Variants in DENND6B observed in about 807,000 individuals in gnomAD.
The protein encoded by DENND6B is DENN domain containing 6B.
In DENND6B, 73 loss-of-function variants were observed where a neutral mutation model predicts 85.1. The observed-to-expected ratio is 0.86, with a 90% CI of 0.71 to 1.04. The LOEUF is 1.04. Among genes scored for constraint, DENND6B ranks in the 50% least tolerant of loss-of-function variants. DENND6B has a pLI of 0.00. For synonymous variants in DENND6B, 357 were observed against 329.3 expected, an observed-to-expected ratio of 1.08 and a Z score of -0.91; for missense variants, 715 against 785.8, an observed-to-expected ratio of 0.91 and a Z score of 1.08.
At position 50,313,836 on chromosome 22, in the gene DENND6B, G is replaced by C; in HGVS notation, c.1181C>G (p.Ala394Gly). Residue 394 changes from alanine to glycine, a missense_variant, in exon 14 of 20, where the codon GCG becomes GGG. By Grantham distance (60) the Ala-to-Gly change is moderately conservative. Transcript: ENST00000413817. ...TACCTTGAGCAGCCGTTTGAGCAGC[G>C]CCTTGTCGCGGTGGAGGTGGGCCGT... ...AYTAHLHRDK[A>G]LLKRLLKGVQ... 6.2e-7 allele frequency: 1 copy of C among 1,611,940 alleles called. No homozygotes were observed. Among genetic ancestry groups the C allele is most frequent in the Non-Finnish European group, 8.5e-7 (1 of 1,179,642 alleles).
In DENND6B at chr22:50,314,224, G is replaced by GTC. The variant is rs2041701682; in HGVS notation, c.1119_1120dup (p.Thr374ArgfsTer135). 4 of 1,607,674 alleles carry GTC rather than the reference G, an allele frequency of 2.5e-6. No individual in the cohort carries two copies. The highest frequency in any genetic ancestry group is 3.4e-6 in the Non-Finnish European group (4 of 1,179,372). On this transcript the variant is annotated frameshift_variant, in exon 13 of 20. Coordinates refer to ENST00000413817, the MANE Select transcript of DENND6B (RefSeq NM_001001794.4). LOFTEE classifies it high-confidence loss of function. ...GCACAGACCTGGCTTGGTGTCCAGG[G>GTC]TCTTCAACCTTGAAGGCTTTTTCAG...
In DENND6B at chr22:50,316,407, G is replaced by A. The variant is rs146906468; in HGVS notation, c.522C>T (p.Pro174=). ...LFQALLSLIA[P]EYFDKLAPCL... The stretch of plus-strand genomic sequence containing the variant: ...AGGGCGCCAGCTTGTCAAAGTACTC[G>A]GGGGCGATGAGGCTTAGCAGCGCTT... The change falls in exon 6 of 20, where the codon CCC becomes CCT. Residue 174 remains proline (P), a synonymous_variant. Coordinates refer to ENST00000413817, the MANE Select transcript of DENND6B (RefSeq NM_001001794.4). 5.4e-5 allele frequency: 86 copies of A among 1,587,080 alleles called. No individual in the cohort carries two copies. The East Asian group carries it at 1.3e-3, about 25-fold the overall frequency.
chr22:50,326,950 G>C lies in DENND6B; in HGVS notation c.39C>G (p.Arg13=), dbSNP rs2042206860. The change falls in exon 1 of 20, where the codon CGC becomes CGG. Residue 13 remains arginine, a synonymous_variant. Coordinates refer to ENST00000413817, the MANE Select transcript of DENND6B (RefSeq NM_001001794.4). The part of the protein sequence containing the change: ...ALLGTGPRRA[R]GCLGAAGPTS... Reference sequence around the variant, plus strand: ...TGGGTCCAGCCGCGCCCAGGCAGCCGCGAGCCCGGCGAGGCCCTGTGCCCA... The same window carrying C: ...TGGGTCCAGCCGCGCCCAGGCAGCCCCGAGCCCGGCGAGGCCCTGTGCCCA... 7.8e-7 allele frequency: 1 copy of C among 1,278,432 alleles called. No individual in the cohort carries two copies. The highest frequency in any genetic ancestry group is 1.6e-5 in the African/African-American group (1 of 63,892). The allele number at this position is 1,278,432 out of a possible 1,614,324, so 79.2% of individuals were successfully genotyped here.
chr22:50,313,224 T>A, intron 16 of DENND6B, 116 bp from the exon 17 acceptor site: 3 of 1,173,720 alleles, frequency 2.6e-6, no homozygotes, highest in Non-Finnish European at 3.6e-6. Flanking sequence ...CCACCCTGCC[T>A]GGCACAGATC....
chr22:50,324,572 G>C (rs2042141123), intron 1 of DENND6B, among the ~76,000 whole-genome samples: 2 of 152,144 alleles, frequency 1.3e-5, no homozygotes, highest in African/African-American at 4.8e-5. Context: ...TTACAGGCGT[G>C]CGCCACCACG....
At position 50,314,800 on chromosome 22, in the gene DENND6B, T is replaced by C. The variant is rs763710719; in HGVS notation, c.880A>G (p.Ser294Gly). The C allele has an allele frequency of 6.7e-5, 108 of 1,605,066 alleles. No individual in the cohort carries two copies. Among genetic ancestry groups the C allele is most frequent in the Non-Finnish European group, 9.0e-5 (106 of 1,176,498 alleles). The part of the protein sequence containing the change: ...VSSEMVLALT[S>G]CLQPLRFCCD... ...GCCGGGACCGGGCCAAGGCGATACC[T>C]GGTCAAGGCCAGCACCATCTCCGAG... The change falls in exon 10 of 20, where the codon AGC becomes GGC. Residue 294 changes from serine to glycine, a missense_variant and splice_region_variant. Transcript: ENST00000413817.
intron 14 of DENND6B, 37 bp from the exon 15 acceptor site, chr22:50,313,761 C>T: frequency 6.2e-7 from 1 of 1,608,378 alleles, no homozygotes; most frequent in Non-Finnish European, 8.5e-7. Context: ...TGCTGCGCTT[C>T]ACACCACACC....
intron 5 of DENND6B, 57 bp from the exon 6 acceptor site, chr22:50,316,532 A>G (rs1569201638): frequency 3.2e-6 from 5 of 1,549,400 alleles, no homozygotes; most frequent in Non-Finnish European, 4.4e-6. Context: ...CTCGCCACTC[A>G]GGAGCCCACG....
intron 9 of DENND6B, 116 bp from the exon 10 acceptor site, chr22:50,315,037 G>A: frequency 1.4e-6 from 2 of 1,415,338 alleles, no homozygotes; most frequent in Non-Finnish European, 9.6e-7. Context: ...ACAGCACGCT[G>A]CTCCAGGGTG....
At position 50,311,776 on chromosome 22, in the gene DENND6B, C is replaced by T. The variant is rs576523900; in HGVS notation, c.*363G>A. ...CTGTTGGGCTGAGGGAAGCATCACACACAGCGCAGGGGGGTCGGGGGCCAA... is the reference window on the plus strand; with the variant it reads ...CTGTTGGGCTGAGGGAAGCATCACATACAGCGCAGGGGGGTCGGGGGCCAA... On this transcript the variant is annotated 3_prime_UTR_variant, in exon 20 of 20. Transcript: ENST00000413817. The T allele has an allele frequency of 8.8e-5, 25 of 283,706 alleles. No individual in the cohort carries two copies. Among genetic ancestry groups the T allele is most frequent in the African/African-American group, 4.4e-4 (20 of 45,816 alleles). The allele number at this position is 283,706 out of a possible 1,614,324, so 17.6% of individuals were successfully genotyped here.
Position 50,312,005 on chromosome 22 carries a change from G to T in DENND6B, c.*134C>A. ...CCTTTACTGCTGAGACAATGGTGGTGCAGGAAGGGGAGCCTGCAGTCTGGG... is the reference window on the plus strand; with the variant it reads ...CCTTTACTGCTGAGACAATGGTGGTTCAGGAAGGGGAGCCTGCAGTCTGGG... On this transcript the variant is annotated 3_prime_UTR_variant, in exon 20 of 20. Coordinates refer to ENST00000413817, the MANE Select transcript of DENND6B (RefSeq NM_001001794.4). 2 of 1,391,280 alleles carry T rather than the reference G, an allele frequency of 1.4e-6. No individual in the cohort carries two copies. Among genetic ancestry groups the T allele is most frequent in the Non-Finnish European group, 1.9e-6 (2 of 1,045,854 alleles). The allele number at this position is 1,391,280 out of a possible 1,614,324, so 86.2% of individuals were successfully genotyped here.
intron 13 of DENND6B, 102 bp from the exon 14 acceptor site, chr22:50,313,980 G>T: frequency 7.1e-7 from 1 of 1,417,138 alleles, no homozygotes; most frequent in Non-Finnish European, 9.3e-7. Flanking sequence ...TCTGCCTGCA[G>T]CCCCATGCCC....
intron 8 of DENND6B, 94 bp downstream of exon 8, chr22:50,315,931 C>A: frequency 6.3e-7 from 1 of 1,592,206 alleles, no homozygotes; most frequent in Non-Finnish European, 8.6e-7. Flanking sequence ...GCAGGGTGAA[C>A]CAAGGAAGCA....
Position 50,316,237 on chromosome 22 carries a change from G to T in DENND6B, c.576C>A (p.Asp192Glu). Residue 192 changes from aspartate to glutamate, a missense_variant, in exon 7 of 20, where the codon GAC becomes GAA. Transcript: ENST00000413817. ...PCLEAVCSEI[D>E]QWPAPAPGQT... is the part of the protein sequence containing the mutation. ...GCCCAGGTGCAGGCGCCGGCCACTG[G>T]TCGATCTCACTGCACACTGCGGATG... 6.2e-7 allele frequency: 1 copy of T among 1,607,558 alleles called. No homozygotes were observed. Among genetic ancestry groups the T allele is most frequent in the Non-Finnish European group, 8.5e-7 (1 of 1,177,620 alleles).
rs760474291 is a variant in DENND6B, at chr22:50,314,238, A to G, written c.1107T>C (p.Pro369=). The G allele has an allele frequency of 5.6e-6, 9 of 1,609,074 alleles. No individual in the cohort carries two copies. The highest frequency in any genetic ancestry group is 1.3e-5 in the African/African-American group (1 of 74,914). ...DLPKQVKLKK[P]SRLKTLDTKP... is the part of the protein sequence containing the mutation. ...TGGTGTCCAGGGTCTTCAACCTTGA[A>G]GGCTTTTTCAGCTTGACTTGCTTAG... The change falls in exon 13 of 20, where the codon CCT becomes CCC. Residue 369 remains proline, a synonymous_variant. Transcript: ENST00000413817.
At chr22:50,324,429 G>A (rs1285546489) in intron 1 of DENND6B, among the ~76,000 whole-genome samples, 3 of 152,082 alleles carry the variant, frequency 2.0e-5, no homozygotes, top group African/African-American at 4.8e-5. Context: ...TGTGATCTAC[G>A]GTTTTGTTTT....
Position 50,312,543 on chromosome 22 carries a change from G to C in DENND6B, c.1540C>G (p.Leu514Val). Residue 514 changes from leucine (L) to valine (V), a missense_variant, in exon 18 of 20, where the codon CTG becomes GTG. Coordinates refer to ENST00000413817, the MANE Select transcript of DENND6B (RefSeq NM_001001794.4). ...EMALKLEALH[L>V]EAICEANIET... ...CTCACCGCCTCACAGATAGCCTCCA[G>C]GTGCAGGGCCTCCAGCTTCAGGGCC... 1 of 1,593,906 alleles carries C rather than the reference G, an allele frequency of 6.3e-7. No individual in the cohort carries two copies. Among genetic ancestry groups the C allele is most frequent in the African/African-American group, 1.3e-5 (1 of 74,598 alleles).
Position 50,323,908 on chromosome 22 carries a change from T to A in DENND6B, c.177+2904A>T, listed in dbSNP as rs563783612. On this transcript the variant is annotated intron_variant, in intron 1 of 19. Transcript: ENST00000413817. ...CCACCACACCTGGCTAATTTATTTT[T>A]AATTTTGGTAGAGACAGGGTCTCAC... Among the ~76,000 whole-genome samples the A allele has an allele frequency of 3.9e-5, 6 of 152,060 alleles. No homozygotes were observed. The South Asian group carries it at 1.2e-3, about 32-fold the overall frequency.
In DENND6B at chr22:50,310,516, C is replaced by T. The variant is rs1402134678; in HGVS notation, c.*1623G>A. The T allele has an allele frequency of 6.6e-6, 1 of 152,308 alleles. No homozygotes were observed. Among genetic ancestry groups the T allele is most frequent in the Non-Finnish European group, 1.5e-5 (1 of 68,066 alleles). The allele number at this position is 152,308 out of a possible 1,614,324, so 9.4% of individuals were successfully genotyped here. A position where few individuals can be genotyped will look rare whatever the true frequency, so the allele number is the denominator to read the frequency against. On this transcript the variant is annotated 3_prime_UTR_variant, in exon 20 of 20. Transcript: ENST00000413817. The stretch of plus-strand genomic sequence containing the variant: ...GCTGTCCTTGTGGCTCAGTCACATC[C>T]TGCACTGAAGTGGCTGGCAGTGCTC...
Sources: allele counts gnomAD v4.1 joint callset (sites outside exome capture counted in the v4.1 genomes callset), GRCh38; gene constraint gnomAD v4.1.1; transcripts MANE v1.5; gene names NCBI Gene and HGNC (gene_info 2026-07-23, HGNC 2026-07-21).